Variants in TASOR observed in about 807,000 individuals in gnomAD.
The protein encoded by TASOR is transcription activation suppressor.
A neutral mutation model predicts 178.6 loss-of-function variants in TASOR; 53 were observed. The ratio of observed to expected loss-of-function variants is 0.30; its 90% CI spans 0.24 to 0.37. The LOEUF is 0.37. Ranked by LOEUF, TASOR falls within the 10% of genes least tolerant of loss-of-function variation. The probability of loss-of-function intolerance (pLI) is 1.00; values close to 1 mark genes in which losing one functional copy is unlikely to be tolerated. For synonymous variants in TASOR, 713 were observed against 696.2 expected (o/e 1.02, Z -0.38); for missense variants, 1,815 against 1,971.4 (o/e 0.92, Z 1.50).
chr3:56,633,696 A>G lies in TASOR; in HGVS notation c.3095T>C (p.Ile1032Thr), dbSNP rs1437881480. 1.9e-6 allele frequency: 3 copies of G among 1,613,940 alleles called. No individual in the cohort carries two copies. The highest frequency in any genetic ancestry group is 1.7e-6 in the Non-Finnish European group (2 of 1,180,008). The change falls in exon 18 of 24, where the codon ATA (isoleucine) becomes ACA (threonine). Residue 1032 changes from isoleucine (I) to threonine (T), a missense_variant. This residue lies in a region of TASOR where 655 missense variants were observed against 671.1 expected (regional missense o/e 0.98). Coordinates refer to ENST00000683822, the MANE Select transcript of TASOR (RefSeq NM_001365635.2). ...LGEYNLFSRK[I>T]EEILKQKNVS... The stretch of plus-strand genomic sequence containing the variant: ...ATTCTTTTGCTTCAAAATCTCTTCT[A>G]TCTTCCTAGAAAAGAGATTGTACTC...
intron 1 of TASOR, among the ~76,000 whole-genome samples, chr3:56,682,156 T>C (rs900963965): frequency 6.6e-6 from 1 of 152,224 alleles, no homozygotes; most frequent in African/African-American, 2.4e-5. Context: ...TCACATCTAC[T>C]AATAGAGATT....
At chr3:56,677,212 T>G (rs1374850926) in intron 1 of TASOR, among the ~76,000 whole-genome samples, 5 of 152,180 alleles carry the variant, frequency 3.3e-5, no homozygotes, top group Non-Finnish European at 5.9e-5. Context: ...AGAAAATATT[T>G]AAGTCAAAAA....
At position 56,641,386 on chromosome 3, in the gene TASOR, C is replaced by G; in HGVS notation, c.2582G>C (p.Ser861Thr). ...TAGCTTATGGTCAGTGCCCACTTCGCTGGTAGAAATAGCAACAGAATACTT... is the reference window on the plus strand; with the variant it reads ...TAGCTTATGGTCAGTGCCCACTTCGGTGGTAGAAATAGCAACAGAATACTT... Reference protein sequence around the residue: ...TSKYSVAISTSEVGTDHKLHL... With the variant: ...TSKYSVAISTTEVGTDHKLHL... The change falls in exon 15 of 24, where the codon AGC (serine) becomes ACC (threonine). Residue 861 changes from serine to threonine, a missense_variant. Coordinates refer to ENST00000683822, the MANE Select transcript of TASOR (RefSeq NM_001365635.2). 1 of 1,596,584 alleles carries G rather than the reference C, an allele frequency of 6.3e-7. No individual in the cohort carries two copies. The highest frequency in any genetic ancestry group is 8.6e-7 in the Non-Finnish European group (1 of 1,165,014).
chr3:56,640,334 T>C (rs1288851073), intron 15 of TASOR, among the ~76,000 whole-genome samples: 1 of 152,190 alleles, frequency 6.6e-6, no homozygotes, highest in East Asian at 1.9e-4. Flanking sequence ...AGAACAGGGA[T>C]TGGTAAACGT....
intron 11 of TASOR, among the ~76,000 whole-genome samples, chr3:56,656,179 A>T (rs954641395): frequency 5.9e-5 from 9 of 152,232 alleles, no homozygotes; most frequent in African/African-American, 1.9e-4. Flanking sequence ...ACCCCCAAAA[A>T]TGTACAAAAA....
In TASOR at chr3:56,641,402, C is replaced by A. The variant is rs2077121664; in HGVS notation, c.2566G>T (p.Val856Phe). 6.3e-7 allele frequency: 1 copy of A among 1,599,800 alleles called. No homozygotes were observed. Among genetic ancestry groups the A allele is most frequent in the Non-Finnish European group, 8.6e-7 (1 of 1,167,758 alleles). The change falls in exon 15 of 24, where the codon GTT becomes TTT. Residue 856 changes from valine to phenylalanine, a missense_variant. This residue lies in a region of TASOR where 655 missense variants were observed against 671.1 expected (regional missense o/e 0.98). Transcript: ENST00000683822. ...LEVDATSKYS[V>F]AISTSEVGTD... ...CCCACTTCGCTGGTAGAAATAGCAA[C>A]AGAATACTTAGATGTTGCATCAACT...
intron 1 of TASOR, among the ~76,000 whole-genome samples, chr3:56,676,824 C>G (rs2031343281): frequency 6.6e-6 from 1 of 152,098 alleles, no homozygotes. Context: ...CCAGTTGACT[C>G]TAAAGCAATG....
chr3:56,633,533 A>G lies in TASOR; in HGVS notation c.3258T>C (p.Asn1086=). 1 of 1,614,176 alleles carries G rather than the reference A, an allele frequency of 6.2e-7. No homozygotes were observed. Among genetic ancestry groups the G allele is most frequent in the Non-Finnish European group, 8.5e-7 (1 of 1,180,038 alleles). The stretch of plus-strand genomic sequence containing the variant: ...TGGCTGATGCTTTAATAATAATAGT[A>G]TTTAGCTTCTCATGCAAACCATCTA... ...EFVDGLHEKL[N]TIIIKASAKG... is the part of the protein sequence containing the mutation. The change falls in exon 18 of 24, where the codon AAT becomes AAC. Residue 1086 remains asparagine (N), a synonymous_variant. Transcript: ENST00000683822.
intron 9 of TASOR, among the ~76,000 whole-genome samples, chr3:56,661,887 G>C (rs1222729456): frequency 1.3e-5 from 2 of 152,154 alleles, no homozygotes; most frequent in Non-Finnish European, 2.9e-5. Context: ...CACTTCGTGA[G>C]GCCAAGGCGG....
At chr3:56,627,768 A>C in intron 19 of TASOR, 27 bp from the exon 20 acceptor site, 2 of 1,606,604 alleles carry the variant, frequency 1.2e-6, no homozygotes, top group Non-Finnish European at 1.7e-6. Flanking sequence ...ACAAAAAGAG[A>C]AACAGATGGA....
chr3:56,678,785 C>T (rs1272349101), intron 1 of TASOR, among the ~76,000 whole-genome samples: 1 of 151,670 alleles, frequency 6.6e-6, no homozygotes, highest in Non-Finnish European at 1.5e-5. Flanking sequence ...CCAAGGAGGG[C>T]GGATCACTTC....
intron 19 of TASOR, 130 bp downstream of exon 19, chr3:56,628,362 A>AT: frequency 1.3e-6 from 1 of 799,272 alleles, no homozygotes; most frequent in South Asian, 1.8e-5. Flanking sequence ...TCACAAGCTG[A>AT]TTCACAGATG....
Position 56,641,604 on chromosome 3 carries a change from A to C in TASOR, c.2364T>G (p.Ser788=). The C allele has an allele frequency of 6.2e-7, 1 of 1,614,166 alleles. No individual in the cohort carries two copies. The highest frequency in any genetic ancestry group is 2.2e-5 in the East Asian group (1 of 44,888). The part of the protein sequence containing the change: ...TLANARHSDA[S]LTDTVNKALG... Reference sequence around the variant, plus strand: ...AGGCTTTGTTGACTGTGTCTGTCAGAGATGCATCAGAATGGCGCGCATTTG... The same window carrying C: ...AGGCTTTGTTGACTGTGTCTGTCAGCGATGCATCAGAATGGCGCGCATTTG... Residue 788 remains serine (S), a synonymous_variant, in exon 15 of 24, where the codon TCT becomes TCG. Transcript: ENST00000683822.
intron 11 of TASOR, among the ~76,000 whole-genome samples, chr3:56,650,346 G>A (rs1052100019): frequency 1.3e-5 from 2 of 152,158 alleles, no homozygotes; most frequent in Non-Finnish European, 2.9e-5. Context: ...TTGTGTTTGG[G>A]GGTTTCAGGT....
At position 56,623,051 on chromosome 3, in the gene TASOR, A is replaced by C. The variant is rs754156583; in HGVS notation, c.4999T>G (p.Ser1667Ala). Reference sequence around the variant, plus strand: ...AGTTACTACAGTTATTTCTCTTGTGAATATGGCCTGGAAGAATCACTTTTC... The same window carrying C: ...AGTTACTACAGTTATTTCTCTTGTGCATATGGCCTGGAAGAATCACTTTTC... The part of the protein sequence containing the change: ...WGKSDSSRPY[S>A]QEK The change falls in exon 24 of 24, where the codon TCA (serine) becomes GCA (alanine). Residue 1667 changes from serine (S) to alanine (A), a missense_variant. Ser to Ala is a moderately conservative substitution (Grantham distance 99, BLOSUM62 1). This residue lies in a region of TASOR where 278 missense variants were observed against 257.1 expected (regional missense o/e 1.08). Coordinates refer to ENST00000683822, the MANE Select transcript of TASOR (RefSeq NM_001365635.2). The C allele has an allele frequency of 1.3e-6, 2 of 1,553,328 alleles. No homozygotes were observed. Among genetic ancestry groups the C allele is most frequent in the Admixed American group, 4.1e-5 (2 of 48,688 alleles).
At chr3:56,632,182 G>C (rs936611203) in intron 18 of TASOR, among the ~76,000 whole-genome samples, 11 of 151,834 alleles carry the variant, frequency 7.2e-5, no homozygotes, top group Admixed American at 6.6e-4. Context: ...CATTAAAAAT[G>C]CAAGAAACGG....
intron 4 of TASOR, 109 bp from the exon 5 acceptor site, chr3:56,669,900 A>G: frequency 1.1e-6 from 1 of 950,420 alleles, no homozygotes; most frequent in Non-Finnish European, 1.6e-6. Context: ...GGTGTTCAAA[A>G]ATCAGAAACA....
chr3:56,670,335 C>T (rs1490370590), intron 3 of TASOR, among the ~76,000 whole-genome samples, 190 bp from the exon 4 acceptor site: 1 of 151,586 alleles, frequency 6.6e-6, no homozygotes, highest in Admixed American at 6.6e-5. Flanking sequence ...CTCAAAGTAA[C>T]CATATCTAGA....
At chr3:56,681,843 A>G (rs963084448) in intron 1 of TASOR, among the ~76,000 whole-genome samples, 3 of 152,188 alleles carry the variant, frequency 2.0e-5, no homozygotes, top group Non-Finnish European at 4.4e-5. Flanking sequence ...AGTACAAGTA[A>G]TTAATGTAAC....
Sources: allele counts gnomAD v4.1 joint callset (sites outside exome capture counted in the v4.1 genomes callset), GRCh38; gene constraint gnomAD v4.1.1; regional missense constraint gnomAD v4.1.1; transcripts MANE v1.5; gene names NCBI Gene and HGNC (gene_info 2026-07-23, HGNC 2026-07-21).